Variants in SGK1 observed in about 807,000 individuals in gnomAD.
The protein encoded by SGK1 is serine/threonine-protein kinase Sgk1.
In SGK1, 26 loss-of-function variants were observed where a neutral mutation model predicts 64.2. That is an observed-to-expected ratio of 0.40 (90% confidence interval 0.30 to 0.56). The LOEUF is 0.56. SGK1 is among the 20% of genes least tolerant of loss of function. SGK1 has a pLI of 0.38. For missense variants in SGK1, 519 were observed against 645.6 expected (o/e 0.80, Z 2.12); for synonymous variants, 265 against 239.7 (o/e 1.11, Z -0.98).
At chr6:134,278,109 T>C (rs11755699) in intron 1 of SGK1, among the ~76,000 whole-genome samples, 6,794 of 152,292 alleles carry the variant, frequency 0.045, 213 homozygotes, top group Middle Eastern at 0.088. Context: ...CTTCGTTCCC[T>C]GAAGTCCTGC....
rs191896328 is a variant in SGK1, at chr6:134,298,721, C to G, written c.69+18671G>C. On this transcript the variant is annotated intron_variant, in intron 1 of 13. Transcript: ENST00000367858. Reference sequence around the variant, plus strand: ...TGGTGGAGGCAGGAGTGGAGGCAGGCGGGCTGAACCAGGCAGAGATTCCAG... The same window carrying G: ...TGGTGGAGGCAGGAGTGGAGGCAGGGGGGCTGAACCAGGCAGAGATTCCAG... 19 of 647,770 alleles carry G rather than the reference C, an allele frequency of 2.9e-5. 1 individual carries two copies. The highest frequency in any genetic ancestry group is 4.4e-5 in the Non-Finnish European group (17 of 389,848). 40.1% of individuals were successfully genotyped at this position (647,770 alleles called of 1,614,324 possible).
At chr6:134,229,064 C>T (rs960948769) in intron 2 of SGK1, among the ~76,000 whole-genome samples, 3 of 152,222 alleles carry the variant, frequency 2.0e-5, no homozygotes, top group Admixed American at 2.0e-4. Context: ...ATCTCCTGAC[C>T]TCGTGATCCG....
At chr6:134,181,257 T>A (rs1775326820) in intron 3 of SGK1, among the ~76,000 whole-genome samples, 2 of 152,228 alleles carry the variant, frequency 1.3e-5, no homozygotes, top group South Asian at 2.1e-4. Flanking sequence ...CTGGTGGACA[T>A]CTTTTGTCAA....
intron 1 of SGK1, among the ~76,000 whole-genome samples, chr6:134,292,318 C>A (rs779071355): frequency 6.6e-6 from 1 of 152,068 alleles, no homozygotes; most frequent in Non-Finnish European, 1.5e-5. Context: ...GGGGGCCGGG[C>A]GCGGTGGCTC....
chr6:134,297,481 T>A, intron 1 of SGK1: 1 of 617,850 alleles, frequency 1.6e-6, no homozygotes, highest in Non-Finnish European at 3.1e-6. Context: ...TGGAGCCAGC[T>A]GATGTTCCGG....
At chr6:134,208,738 A>G (rs911528765) in intron 2 of SGK1, among the ~76,000 whole-genome samples, 1 of 143,774 alleles carries the variant, frequency 7.0e-6, no homozygotes, top group Non-Finnish European at 1.5e-5. Flanking sequence ...GTAGTATTCC[A>G]TGTATGCGTA....
At chr6:134,175,690 A>G in intron 3 of SGK1, 1 of 1,461,828 alleles carries the variant, frequency 6.8e-7, no homozygotes. Flanking sequence ...CGCGCGGCAG[A>G]CGAGAGCGAC....
intron 3 of SGK1, among the ~76,000 whole-genome samples, chr6:134,178,899 A>G (rs572000513): frequency 3.3e-5 from 5 of 152,340 alleles, no homozygotes; most frequent in Admixed American, 1.3e-4. Context: ...ATGACTGACC[A>G]GGATGAAAAG....
At chr6:134,239,042 A>G (rs925147372) in intron 2 of SGK1, among the ~76,000 whole-genome samples, 1 of 152,258 alleles carries the variant, frequency 6.6e-6, no homozygotes, top group Non-Finnish European at 1.5e-5. Context: ...GCTAAACAGC[A>G]TTTCAGAACA....
chr6:134,268,629 A>G (rs1776893282), intron 1 of SGK1, among the ~76,000 whole-genome samples: 1 of 143,938 alleles, frequency 6.9e-6, no homozygotes, highest in South Asian at 2.3e-4. Context: ...AGGCTGAGGC[A>G]GGAGAATGGC....
intron 2 of SGK1, among the ~76,000 whole-genome samples, chr6:134,257,339 G>T (rs1423662697): frequency 6.6e-6 from 1 of 152,126 alleles, no homozygotes; most frequent in South Asian, 2.1e-4. Context: ...GGAGGCAGGG[G>T]TTACTGTGAG....
intron 1 of SGK1, among the ~76,000 whole-genome samples, chr6:134,286,658 G>A (rs2114776324): frequency 6.6e-6 from 1 of 151,924 alleles, no homozygotes; most frequent in Non-Finnish European, 1.5e-5. Flanking sequence ...TAGTAGAGAC[G>A]GGGCTTCCCC....
chr6:134,203,634 A>G (rs1022973494), intron 3 of SGK1, among the ~76,000 whole-genome samples: 11 of 152,244 alleles, frequency 7.2e-5, no homozygotes, highest in Non-Finnish European at 4.4e-5. Flanking sequence ...CCATGTGAAA[A>G]GTAGGCTTTA....
intron 3 of SGK1, chr6:134,177,795 C>G: frequency 6.2e-7 from 1 of 1,613,608 alleles, no homozygotes; most frequent in African/African-American, 1.3e-5. Context: ...CTACATGCCT[C>G]TGATAAGCTG....
At chr6:134,303,106 C>T (rs1777482721) in intron 1 of SGK1, among the ~76,000 whole-genome samples, 1 of 151,956 alleles carries the variant, frequency 6.6e-6, no homozygotes, top group Admixed American at 6.6e-5. Context: ...AAAGTTAAGG[C>T]TTAGAGGCCA....
intron 1 of SGK1, among the ~76,000 whole-genome samples, chr6:134,308,002 A>G (rs2114799563): frequency 6.6e-6 from 1 of 152,318 alleles, no homozygotes; most frequent in East Asian, 1.9e-4. Context: ...GCACGTGTAT[A>G]TTCTAGGTTT....
At chr6:134,291,820 G>C (rs1777269585) in intron 1 of SGK1, among the ~76,000 whole-genome samples, 1 of 152,128 alleles carries the variant, frequency 6.6e-6, no homozygotes. Context: ...AACAACTTTG[G>C]GAGGCCAAGA....
intron 2 of SGK1, among the ~76,000 whole-genome samples, chr6:134,233,393 A>C (rs1776319270): frequency 6.6e-6 from 1 of 152,240 alleles, no homozygotes. Flanking sequence ...GTAGTGTCAA[A>C]GTTCCCTTCT....
intron 2 of SGK1, among the ~76,000 whole-genome samples, chr6:134,220,419 A>T (rs1776072291): frequency 6.6e-6 from 1 of 152,234 alleles, no homozygotes; most frequent in Admixed American, 6.5e-5. Context: ...CAGTACATCT[A>T]CTGTGGTTAA....
Sources: allele counts gnomAD v4.1 joint callset (sites outside exome capture counted in the v4.1 genomes callset), GRCh38; gene constraint gnomAD v4.1.1; transcripts MANE v1.5; gene names NCBI Gene and HGNC (gene_info 2026-07-23, HGNC 2026-07-21).